AGPAT3: variants seen among roughly 807,000 people sequenced by gnomAD.
AGPAT3 encodes 1-acylglycerol-3-phosphate O-acyltransferase 3.
AGPAT3 carries 5 observed loss-of-function variants against 47.3 expected under a neutral mutation model. The ratio of observed to expected loss-of-function variants is 0.11; its 90% confidence interval spans 0.06 to 0.22. The LOEUF (loss-of-function observed/expected upper bound fraction) is 0.22. AGPAT3 is among the 10% of genes least tolerant of loss of function. AGPAT3 has a pLI of 1.00. For synonymous variants in AGPAT3, 212 were observed against 208.3 expected (o/e 1.02, Z -0.15); for missense variants, 315 against 493.0 (o/e 0.64, Z 3.42).
chr21:43,910,338 C>T (rs1485253306), intron 2 of AGPAT3, among the ~76,000 whole-genome samples: 1 of 152,226 alleles, frequency 6.6e-6, no homozygotes, highest in Non-Finnish European at 1.5e-5. Flanking sequence ...AGGTGTCTCC[C>T]AGCGGCTGTG....
intron 2 of AGPAT3, among the ~76,000 whole-genome samples, chr21:43,944,463 C>T (rs1333312914): frequency 6.6e-6 from 1 of 152,232 alleles, no homozygotes; most frequent in Non-Finnish European, 1.5e-5. Context: ...TACTCCAGGG[C>T]ACTCTCTTTC....
chr21:43,939,055 G>A lies in AGPAT3; in HGVS notation c.-48-20579G>A, dbSNP rs947484813. ...GTTTCCCACAGAGCACGCAGGGGCCGCACCAGGGCTGGGACGGGGCTGCGA... is the reference window on the plus strand; with the variant it reads ...GTTTCCCACAGAGCACGCAGGGGCCACACCAGGGCTGGGACGGGGCTGCGA... On this transcript the variant is annotated intron_variant, in intron 2 of 9. Coordinates refer to ENST00000291572, the MANE Select transcript of AGPAT3 (RefSeq NM_020132.5). The surrounding 1 kb of genome is among the most constrained non-coding windows in gnomAD (Gnocchi z 4.4). Among the ~76,000 whole-genome samples, 1 of 152,210 alleles carries A rather than the reference G, an allele frequency of 6.6e-6. No individual in the cohort carries two copies. Among genetic ancestry groups the A allele is most frequent in the Non-Finnish European group, 1.5e-5 (1 of 68,030 alleles).
chr21:43,875,820 C>G (rs916726642), intron 1 of AGPAT3, among the ~76,000 whole-genome samples: 4 of 152,262 alleles, frequency 2.6e-5, no homozygotes, highest in African/African-American at 9.6e-5. Context: ...TTTGGCCAGG[C>G]TGGTCTCAAA....
At chr21:43,949,257 A>G (rs942576925) in intron 2 of AGPAT3, among the ~76,000 whole-genome samples, 3 of 152,176 alleles carry the variant, frequency 2.0e-5, no homozygotes, top group South Asian at 2.1e-4. Flanking sequence ...TAAAACAACC[A>G]TCATGTCGGG....
chr21:43,983,739 G>T lies in AGPAT3; in HGVS notation c.*1347G>T, dbSNP rs1185470906. The T allele has an allele frequency of 1.3e-5, 2 of 152,246 alleles. No homozygotes were observed. Among genetic ancestry groups the T allele is most frequent in the Admixed American group, 6.5e-5 (1 of 15,292 alleles). The allele number at this position is 152,246 out of a possible 1,614,324, so 9.4% of individuals were successfully genotyped here. On this transcript the variant is annotated 3_prime_UTR_variant, in exon 10 of 10. Transcript: ENST00000291572. Reference sequence around the variant, plus strand: ...TGGTAGAACGCTCAACTTGGTTGCGGTACCATCAGCCCACCTGCATTTGGC... The same window carrying T: ...TGGTAGAACGCTCAACTTGGTTGCGTTACCATCAGCCCACCTGCATTTGGC...
chr21:43,879,221 G>T (rs1433229925), intron 1 of AGPAT3, among the ~76,000 whole-genome samples: 11 of 151,930 alleles, frequency 7.2e-5, no homozygotes, highest in Admixed American at 7.2e-4. Flanking sequence ...GTGGCAGTGC[G>T]TGCCTGTAAT....
intron 7 of AGPAT3, among the ~76,000 whole-genome samples, chr21:43,976,254 A>T (rs2089617745): frequency 6.6e-6 from 1 of 151,918 alleles, no homozygotes; most frequent in African/African-American, 2.4e-5. Context: ...CTTAGTAGAG[A>T]TGGGGTTTCA....
At chr21:43,953,191 G>C (rs982914961) in intron 2 of AGPAT3, among the ~76,000 whole-genome samples, 1 of 152,214 alleles carries the variant, frequency 6.6e-6, no homozygotes, top group Non-Finnish European at 1.5e-5. Context: ...GGCGGGGAGC[G>C]TCTCGGGGAA....
intron 1 of AGPAT3, among the ~76,000 whole-genome samples, chr21:43,894,668 G>T (rs1285891116): frequency 1.3e-5 from 2 of 152,072 alleles, no homozygotes; most frequent in African/African-American, 4.8e-5. Flanking sequence ...CTTATTTCTA[G>T]GTCTTACTTC....
chr21:43,891,076 A>T (rs1569048428), intron 1 of AGPAT3, among the ~76,000 whole-genome samples: 1 of 152,204 alleles, frequency 6.6e-6, no homozygotes, highest in Admixed American at 6.5e-5. Context: ...GAACAGACCA[A>T]TACGGACAGC....
chr21:43,932,862 C>G lies in AGPAT3; in HGVS notation c.-48-26772C>G, dbSNP rs1379176411. 6.6e-6 allele frequency among the ~76,000 whole-genome samples: 1 copy of G among 152,162 alleles called. No homozygotes were observed. On this transcript the variant is annotated intron_variant, in intron 2 of 9. Transcript: ENST00000291572. This position sits in a 1 kb window ranked among gnomAD's most constrained non-coding sequence, Gnocchi z 5.2. ...ATGGGGTTTCACCATGTTGGCCAGA[C>G]TGGTCTCGAACTCCTGACCTCAAGT... is the stretch of plus-strand genomic sequence containing the variant.
intron 2 of AGPAT3, among the ~76,000 whole-genome samples, chr21:43,923,789 G>A (rs1384668157): frequency 6.6e-6 from 1 of 152,232 alleles, no homozygotes; most frequent in African/African-American, 2.4e-5. Context: ...TGTCCCTGGG[G>A]AGCTGGGGTG....
At chr21:43,919,606 C>G (rs1192227510) in intron 2 of AGPAT3, among the ~76,000 whole-genome samples, 1 of 152,186 alleles carries the variant, frequency 6.6e-6, no homozygotes, top group Non-Finnish European at 1.5e-5. Flanking sequence ...TGCAAACATG[C>G]ATATGTCTTT....
intron 2 of AGPAT3, among the ~76,000 whole-genome samples, chr21:43,935,063 C>T (rs2087393141): frequency 6.6e-6 from 1 of 152,252 alleles, no homozygotes; most frequent in African/African-American, 2.4e-5. Flanking sequence ...TCACATGCCA[C>T]ACACAGAACC....
chr21:43,945,939 C>T (rs1282024534), intron 2 of AGPAT3, among the ~76,000 whole-genome samples: 2 of 152,104 alleles, frequency 1.3e-5, no homozygotes, highest in Non-Finnish European at 2.9e-5. Flanking sequence ...ACAGGGGTCA[C>T]GAGGAGAAGC....
chr21:43,865,836 C>T (rs949418097), intron 1 of AGPAT3, among the ~76,000 whole-genome samples: 2 of 151,374 alleles, frequency 1.3e-5, no homozygotes, highest in Admixed American at 6.6e-5. Flanking sequence ...GGACCCGGGA[C>T]CCCCCCCAGG....
At chr21:43,887,851 G>A (rs890984624) in intron 1 of AGPAT3, among the ~76,000 whole-genome samples, 2 of 151,982 alleles carry the variant, frequency 1.3e-5, no homozygotes, top group African/African-American at 4.8e-5. Flanking sequence ...ACTGGGTTTC[G>A]CCATGTTGGC....
chr21:43,938,137 C>G (rs1388057137), intron 2 of AGPAT3, among the ~76,000 whole-genome samples: 1 of 151,872 alleles, frequency 6.6e-6, no homozygotes, highest in Non-Finnish European at 1.5e-5. Flanking sequence ...CACACACACA[C>G]ACACTCACAC....
chr21:43,978,166 G>A, intron 8 of AGPAT3, 45 bp downstream of exon 8: 2 of 1,569,982 alleles, frequency 1.3e-6, no homozygotes, highest in Non-Finnish European at 1.7e-6. Context: ...CTCCTGAAGA[G>A]GCTGTGGAAG....
Sources: allele counts gnomAD v4.1 joint callset (sites outside exome capture counted in the v4.1 genomes callset), GRCh38; gene constraint gnomAD v4.1.1; non-coding constraint Gnocchi (gnomAD v3.1); transcripts MANE v1.5; gene names NCBI Gene and HGNC (gene_info 2026-07-23, HGNC 2026-07-21).